Variants in NDEL1 observed in about 807,000 individuals in gnomAD.
The protein encoded by NDEL1 is nuclear distribution protein nudE-like 1.
Under a neutral mutation model 45.7 loss-of-function variants are expected in NDEL1, and 9 were observed. The observed-to-expected ratio is 0.20, with a 90% CI of 0.12 to 0.34. The LOEUF is 0.34. Ranked by LOEUF, NDEL1 falls within the 10% of genes least tolerant of loss-of-function variation. The pLI is 1.00. For synonymous variants in NDEL1, 133 were observed against 158.6 expected, an observed-to-expected ratio of 0.84 and a Z score of 1.21; for missense variants, 306 against 406.2, an observed-to-expected ratio of 0.75 and a Z score of 2.12.
At chr17:8,418,456 A>G (rs1282740741) in intron 1 of NDEL1, among the ~76,000 whole-genome samples, 1 of 152,172 alleles carries the variant, frequency 6.6e-6, no homozygotes, top group Admixed American at 6.5e-5. Flanking sequence ...ATTTTAATTT[A>G]TGTTTAAAAG....
chr17:8,421,752 G>A (rs575367749), intron 1 of NDEL1, among the ~76,000 whole-genome samples: 1 of 152,096 alleles, frequency 6.6e-6, no homozygotes, highest in Non-Finnish European at 1.5e-5. Flanking sequence ...AATTCCTTAG[G>A]GCATAGAAAG....
At chr17:8,426,919 C>A (rs917575694) in intron 1 of NDEL1, among the ~76,000 whole-genome samples, 1 of 152,138 alleles carries the variant, frequency 6.6e-6, no homozygotes, top group Non-Finnish European at 1.5e-5. Context: ...CAGCCGCAAC[C>A]TAAACTGTTC....
At chr17:8,439,262 G>T (rs181644371) in intron 1 of NDEL1, among the ~76,000 whole-genome samples, 65 of 145,684 alleles carry the variant, frequency 4.5e-4, no homozygotes, top group African/African-American at 1.3e-3. Flanking sequence ...TTTTATTTGA[G>T]ATGGAATCTC....
At chr17:8,425,511 G>A (rs942044124) in intron 1 of NDEL1, among the ~76,000 whole-genome samples, 2 of 152,018 alleles carry the variant, frequency 1.3e-5, no homozygotes, top group Non-Finnish European at 2.9e-5. Flanking sequence ...GAGCCCAGGA[G>A]GTCAAGGCTG....
rs759251803 is a variant in NDEL1, at chr17:8,444,339, C to T, written c.68C>T (p.Ser23Phe). The change falls in exon 2 of 9, where the codon TCC (serine) becomes TTC (phenylalanine). Residue 23 changes from serine to phenylalanine, a missense_variant. By Grantham distance (155) the Ser-to-Phe change is radical. Around this residue, in one of 3 missense-constraint regions of NDEL1, gnomAD observed 112 missense variants for 148.3 expected, o/e 0.76. Coordinates refer to ENST00000334527, the MANE Select transcript of NDEL1 (RefSeq NM_030808.5). Reference sequence around the variant, plus strand: ...GAAACTGCTTATTGGAAGGAACTTTCCTTGAAGTATAAGCAAAGGTAATGT... The same window carrying T: ...GAAACTGCTTATTGGAAGGAACTTTTCTTGAAGTATAAGCAAAGGTAATGT... ...KEETAYWKELSLKYKQSFQEA... is the reference protein window; with the variant it reads ...KEETAYWKELFLKYKQSFQEA... The T allele has an allele frequency of 3.7e-6, 6 of 1,611,804 alleles. No individual in the cohort carries two copies. The South Asian group carries it at 5.5e-5, about 15-fold the overall frequency.
rs181147020 is a variant in NDEL1, at chr17:8,455,635, C to T, written c.792+748C>T. ...CCAGGAGGCGGAGGTTGCAGTGAGCCGAGATCGAGCCACTGCACTCCAGCC... is the reference window on the plus strand; with the variant it reads ...CCAGGAGGCGGAGGTTGCAGTGAGCTGAGATCGAGCCACTGCACTCCAGCC... On this transcript the variant is annotated intron_variant, in intron 7 of 8. Transcript: ENST00000334527. Among the ~76,000 whole-genome samples the T allele has an allele frequency of 4.7e-3, 696 of 146,672 alleles. 7 individuals are homozygous for T. The highest frequency in any genetic ancestry group is 0.016 in the African/African-American group (626 of 39,474).
Position 8,438,979 on chromosome 17 carries a change from C to CA in NDEL1, c.-13+2935dup, listed in dbSNP as rs534001052. On this transcript the variant is annotated intron_variant, in intron 1 of 8. Transcript: ENST00000334527. ...TGAAACGGAGTCTCTCTCTGTCACCCAGGCTGGAGTGGAGTGCGGTCGCGC... is the reference window on the plus strand; with the variant it reads ...TGAAACGGAGTCTCTCTCTGTCACCCAAGGCTGGAGTGGAGTGCGGTCGCGC... Among the ~76,000 whole-genome samples the CA allele has an allele frequency of 2.0e-5, 3 of 148,092 alleles. No individual in the cohort carries two copies. In the South Asian group the frequency reaches 6.4e-4, roughly 31 times the overall value.
intron 1 of NDEL1, among the ~76,000 whole-genome samples, chr17:8,427,804 G>T (rs1399861362): frequency 1.3e-5 from 2 of 152,218 alleles, no homozygotes; most frequent in South Asian, 2.1e-4. Context: ...TCTGTGGACT[G>T]CCCAGCAAGC....
At chr17:8,432,347 A>ACTATATATATATATTAT, upstream of NDEL1, among the ~76,000 whole-genome samples, 1 of 58,446 alleles carries the variant, frequency 1.7e-5, no homozygotes, top group East Asian at 3.8e-4. Context: ...ATTATATATA[A>ACTATATATATATATTAT]ATATAAATAT....
chr17:8,473,844 C>T (rs76827049), intron 3 of NDEL1, among the ~76,000 whole-genome samples: 5,367 of 152,334 alleles, frequency 0.035, 162 homozygotes, highest in East Asian at 0.19. Flanking sequence ...CCAAAAGCAT[C>T]TTCAATGCGT....
chr17:8,428,240 C>CACTGTTAATGCTG (rs1908887201), intron 1 of NDEL1, among the ~76,000 whole-genome samples: 1 of 151,902 alleles, frequency 6.6e-6, no homozygotes, highest in Admixed American at 6.6e-5. Flanking sequence ...TGGTCCTCAG[C>CACTGTTAATGCTG]AGGCACTAAA....
chr17:8,428,894 C>CT (rs1567721504), intron 1 of NDEL1, among the ~76,000 whole-genome samples: 13 of 151,778 alleles, frequency 8.6e-5, no homozygotes, highest in Non-Finnish European at 1.6e-4. Context: ...AAGATGGTCT[C>CT]GATCTCCTGA....
downstream of NDEL1, among the ~76,000 whole-genome samples, chr17:8,472,029 G>A (rs541858172): frequency 9.8e-5 from 15 of 152,316 alleles, no homozygotes; most frequent in African/African-American, 3.4e-4. Context: ...ACTTCCTAAC[G>A]ATTCCAACCT....
chr17:8,422,903 T>C (rs1270617746), intron 1 of NDEL1, among the ~76,000 whole-genome samples: 1 of 151,990 alleles, frequency 6.6e-6, no homozygotes, highest in Non-Finnish European at 1.5e-5. Context: ...ACCCGGCTAA[T>C]TTTTGTATTT....
rs1910048477 is a variant in NDEL1, at chr17:8,445,846, T to C, written c.222T>C (p.Tyr74=). Residue 74 remains tyrosine, a synonymous_variant, in exon 3 of 9, where the codon TAT becomes TAC. Coordinates refer to ENST00000334527, the MANE Select transcript of NDEL1 (RefSeq NM_030808.5). The stretch of plus-strand genomic sequence containing the variant: ...AGGCTGATAACCAAAGACTGAAATA[T>C]GAAGTGGAGGCATTAAAGGTAATTG... ...DLQADNQRLK[Y]EVEALKEKLE... The C allele has an allele frequency of 1.9e-6, 3 of 1,545,928 alleles. No homozygotes were observed. Among genetic ancestry groups the C allele is most frequent in the South Asian group, 1.3e-5 (1 of 78,466 alleles).
chr17:8,436,076 GGGGCTGCGCTGGGCCGGCGGCGCCGA>G, intron 1 of NDEL1, 31 bp downstream of exon 1: 1 of 381,872 alleles, frequency 2.6e-6, no homozygotes, highest in South Asian at 1.8e-5. Context: ...CGCTCCCTAA[GGGGCTGCGCTGGGCCGGCGGCGCCGA>G]GGCCTGCCCT....
At chr17:8,413,614 C>T (rs1158311712) in intron 1 of NDEL1, among the ~76,000 whole-genome samples, 1 of 152,188 alleles carries the variant, frequency 6.6e-6, no homozygotes, top group Non-Finnish European at 1.5e-5. Context: ...ACAGGTTTAT[C>T]TGGAGCCAAC....
At chr17:8,445,963 A>G (rs1910054827) in intron 3 of NDEL1, 99 bp downstream of exon 3, 1 of 1,224,954 alleles carries the variant, frequency 8.2e-7, no homozygotes. Context: ...GACAAAAAAT[A>G]GTTTGAAAAA....
At chr17:8,469,712 T>A (rs1039337144), downstream of NDEL1, among the ~76,000 whole-genome samples, 3 of 151,788 alleles carry the variant, frequency 2.0e-5, no homozygotes, top group African/African-American at 7.3e-5. Flanking sequence ...TGACTTTTTT[T>A]TTTTTTTTTG....
Sources: gnomAD v4.1 joint callset for allele counts (sites outside exome capture counted in the v4.1 genomes callset) on GRCh38, gnomAD v4.1.1 for gene constraint, gnomAD v4.1.1 regional missense constraint, MANE v1.5 for transcripts, NCBI Gene and HGNC (gene_info 2026-07-23, HGNC 2026-07-21) for gene names.